Variants in FANCA observed in about 807,000 individuals in gnomAD.
FANCA encodes the protein Fanconi anemia group A protein.
Under a neutral mutation model 194.3 loss-of-function variants are expected in FANCA, and 236 were observed. That is an observed-to-expected ratio of 1.21 (90% CI 1.09 to 1.35). The LOEUF (loss-of-function observed/expected upper bound fraction) is 1.35. Ranked by LOEUF, FANCA falls within the 40% of genes most tolerant of loss-of-function variation. The pLI is 0.00. For synonymous variants in FANCA, 1,014 were observed against 715.8 expected, an observed-to-expected ratio of 1.42 and a Z score of -6.65; for missense variants, 2,628 against 1,813.9, an observed-to-expected ratio of 1.45 and a Z score of -8.15.
chr16:89,792,742 G>A (rs1322159732), intron 11 of FANCA, 195 bp from the exon 12 acceptor site: 2 of 541,194 alleles, frequency 3.7e-6, no homozygotes, highest in Non-Finnish European at 6.9e-6. Flanking sequence ...TCAATGCGCG[G>A]AGACCGGTAG....
At chr16:89,805,627 G>A (rs1413178989) in intron 6 of FANCA, among the ~76,000 whole-genome samples, 3 of 152,074 alleles carry the variant, frequency 2.0e-5, no homozygotes, top group African/African-American at 7.2e-5. Flanking sequence ...CCCAGCTGGA[G>A]GTCTTACTAC....
At chr16:89,755,170 G>A (rs1312850891) in intron 30 of FANCA, among the ~76,000 whole-genome samples, 1 of 151,918 alleles carries the variant, frequency 6.6e-6, no homozygotes, top group Admixed American at 6.6e-5. Context: ...ACAACTGCAT[G>A]GCCACAAGCA....
chr16:89,811,152 C>G, intron 3 of FANCA, 81 bp from the exon 4 acceptor site: 1 of 1,578,090 alleles, frequency 6.3e-7, no homozygotes, highest in East Asian at 2.3e-5. Context: ...TTTAAAATGC[C>G]TTATTTTAAG....
chr16:89,740,143 G>A, intron 38 of FANCA, 44 bp from the exon 39 acceptor site: 2 of 1,488,204 alleles, frequency 1.3e-6, no homozygotes, highest in Non-Finnish European at 1.9e-6. Context: ...CCGACCTGGT[G>A]CTCCCATGGG....
chr16:89,759,922 C>T (rs1025670843), intron 29 of FANCA, among the ~76,000 whole-genome samples: 4 of 152,026 alleles, frequency 2.6e-5, no homozygotes, highest in Admixed American at 6.5e-5. Flanking sequence ...GCTCCACCCA[C>T]GCTGTGCGGG....
intron 27 of FANCA, among the ~76,000 whole-genome samples, chr16:89,765,284 T>C (rs1341170637): frequency 7.1e-4 from 83 of 117,474 alleles, no homozygotes; most frequent in African/African-American, 2.3e-3. Context: ...ACCCCACGTT[T>C]AGGGGACCTC....
intron 11 of FANCA, among the ~76,000 whole-genome samples, chr16:89,794,846 C>T (rs2040190528): frequency 6.6e-6 from 1 of 152,112 alleles, no homozygotes; most frequent in South Asian, 2.1e-4. Context: ...ATGCCTGGGC[C>T]ATCAAACACG....
intron 5 of FANCA, among the ~76,000 whole-genome samples, chr16:89,810,203 G>C (rs1020899163): frequency 2.1e-5 from 3 of 143,912 alleles, no homozygotes; most frequent in African/African-American, 5.2e-5. Flanking sequence ...GTCACCTGTA[G>C]TCCCAGCTAC....
chr16:89,814,725 G>A (rs865834229), intron 2 of FANCA, 112 bp from the exon 3 acceptor site: 5 of 756,812 alleles, frequency 6.6e-6, no homozygotes, highest in African/African-American at 3.5e-5. Context: ...GGCAGATCAC[G>A]AGGTCAAGAG....
At chr16:89,782,245 C>T (rs1356972997) in intron 17 of FANCA, among the ~76,000 whole-genome samples, 4 of 151,880 alleles carry the variant, frequency 2.6e-5, no homozygotes, top group Non-Finnish European at 5.9e-5. Context: ...GGCGTGGTGG[C>T]GGGCGCCTGT....
chr16:89,762,106 A>C (rs1256681365), intron 28 of FANCA, 84 bp from the exon 29 acceptor site: 1 of 1,065,404 alleles, frequency 9.4e-7, no homozygotes, highest in Non-Finnish European at 1.5e-6. Context: ...TTGTCATTTC[A>C]TCTCATACGC....
rs139203712 is a variant in FANCA at position 89,775,763 on chromosome 16, C to G, written c.1879G>C (p.Ala627Pro). The change falls in exon 21 of 43, where the codon GCT (alanine) becomes CCT (proline). Residue 627 changes from alanine to proline, a missense_variant. Transcript: ENST00000389301. ...LYSTYCQACS[A>P]AEEKPEDAAL... ...TTACCTTCTGGCTTCTCTTCAGCAG[C>G]AGAGCAGGCCTGGCAGTAGGTGGAG... 2.3e-5 allele frequency: 37 copies of G among 1,612,714 alleles called. No individual in the cohort carries two copies. The highest frequency in any genetic ancestry group is 3.1e-5 in the Non-Finnish European group (36 of 1,179,386).
chr16:89,772,724 C>T (rs1182454742), intron 22 of FANCA, among the ~76,000 whole-genome samples: 2 of 151,242 alleles, frequency 1.3e-5, no homozygotes, highest in African/African-American at 2.4e-5. Context: ...GAGGCTGAGG[C>T]GGGAGAATTG....
chr16:89,770,125 A>G (rs2143335059), intron 25 of FANCA, 41 bp downstream of exon 25: 1 of 1,569,338 alleles, frequency 6.4e-7, no homozygotes, highest in Non-Finnish European at 8.6e-7. Flanking sequence ...TGGCCCTCAG[A>G]GTGGGCCCCC....
At chr16:89,814,986 G>A (rs961629123) in intron 2 of FANCA, among the ~76,000 whole-genome samples, 1 of 152,054 alleles carries the variant, frequency 6.6e-6, no homozygotes, top group African/African-American at 2.4e-5. Flanking sequence ...AAAAATTCAA[G>A]ATCTGTGCAT....
rs983822747 is a variant in FANCA, at chr16:89,809,793, C to T, written c.522+914G>A. On this transcript the variant is annotated intron_variant, in intron 5 of 42. Transcript: ENST00000389301. ...GCGTGAACCCGGGAGGCGGACGTTGCGATAAGCCAAGATAGCACCATTGCA... is the reference window on the plus strand; with the variant it reads ...GCGTGAACCCGGGAGGCGGACGTTGTGATAAGCCAAGATAGCACCATTGCA... Among the ~76,000 whole-genome samples the T allele has an allele frequency of 6.0e-5, 9 of 151,116 alleles. No individual in the cohort carries two copies. The South Asian group carries it at 8.3e-4, about 14-fold the overall frequency.
chr16:89,779,397 T>C lies in FANCA; in HGVS notation c.1716-394A>G, dbSNP rs74033871. On this transcript the variant is annotated intron_variant, in intron 18 of 42. Coordinates refer to ENST00000389301, the MANE Select transcript of FANCA (RefSeq NM_000135.4). ...TGTTTTGAGATCATACCAAATTCAA[T>C]AAAGCTGTGCTATTCAGCTCTCTGT... is the stretch of plus-strand genomic sequence containing the variant. Among the ~76,000 whole-genome samples the C allele has an allele frequency of 5.5e-3, 839 of 152,084 alleles. 6 individuals carry two copies. Among genetic ancestry groups the C allele is most frequent in the African/African-American group, 0.02 (812 of 41,500 alleles).
Position 89,793,128 on chromosome 16 carries a change from G to C in FANCA, c.1007-581C>G, listed in dbSNP as rs538196889. ...GACTGATGTCAGGCCCTCCACAAGA[G>C]GTGGAGGAGCAGAGTCTTCTCTAAA... On this transcript the variant is annotated intron_variant, in intron 11 of 42. Coordinates refer to ENST00000389301, the MANE Select transcript of FANCA (RefSeq NM_000135.4). 2.2e-3 allele frequency among the ~76,000 whole-genome samples: 340 copies of C among 152,258 alleles called. 1 individual carries two copies. Among genetic ancestry groups the C allele is most frequent in the African/African-American group, 7.7e-3 (320 of 41,574 alleles).
intron 20 of FANCA, among the ~76,000 whole-genome samples, chr16:89,776,246 C>A (rs1425174553): frequency 1.4e-5 from 2 of 146,440 alleles, no homozygotes; most frequent in African/African-American, 2.5e-5. Context: ...CGGCTCACTG[C>A]AACCTCCGCC....
Sources: allele counts gnomAD v4.1 joint callset (sites outside exome capture counted in the v4.1 genomes callset), GRCh38; gene constraint gnomAD v4.1.1; transcripts MANE v1.5; gene names NCBI Gene and HGNC (gene_info 2026-07-23, HGNC 2026-07-21).